CHL1: variants seen among roughly 807,000 people sequenced by gnomAD.
CHL1 encodes neural cell adhesion molecule L1-like protein.
Under a neutral mutation model 141.9 loss-of-function variants are expected in CHL1, and 96 were observed. That is an observed-to-expected ratio of 0.68 (90% confidence interval 0.57 to 0.80). CHL1 has a LOEUF of 0.80. Among genes scored for constraint, CHL1 ranks in the 30% least tolerant of loss-of-function variants. The probability of loss-of-function intolerance (pLI) is 0.00; values close to 1 mark genes in which losing one functional copy is unlikely to be tolerated. For missense variants in CHL1, 1,820 were observed against 1,457.2 expected (o/e 1.25, Z -4.05); for synonymous variants, 613 against 502.2 (o/e 1.22, Z -2.95).
intron 2 of CHL1, among the ~76,000 whole-genome samples, chr3:295,627 G>T (rs331893): frequency 0.46 from 70,161 of 151,844 alleles, 16,553 homozygotes; most frequent in South Asian, 0.69. Flanking sequence ...GCAAAGGAAA[G>T]TTAGCACCAC....
chr3:248,535 A>T (rs1693391718), intron 2 of CHL1: 1 of 152,070 alleles, frequency 6.6e-6, no homozygotes, highest in South Asian at 2.1e-4. Flanking sequence ...ATGAGTTTGG[A>T]CATATCCGAG....
At position 319,804 on chromosome 3, in the gene CHL1, C is replaced by G. The variant is rs139673243; in HGVS notation, c.28C>G (p.Leu10Val). Residue 10 changes from leucine to valine, a missense_variant, in exon 3 of 28, where the codon CTA (leucine) becomes GTA (valine). Leu to Val is a conservative substitution (Grantham distance 32). Transcript: ENST00000256509. Reference protein sequence around the residue: MEPLLLGRGLIVYLMFLLLK... With the variant: MEPLLLGRGVIVYLMFLLLK... Reference sequence around the variant, plus strand: ...GGAGCCGCTTTTACTTGGAAGAGGACTAATCGTATATCTAATGTTCCTCCT... The same window carrying G: ...GGAGCCGCTTTTACTTGGAAGAGGAGTAATCGTATATCTAATGTTCCTCCT... 398 of 1,608,120 alleles carry G rather than the reference C, an allele frequency of 2.5e-4. 1 individual carries two copies. In the Admixed American group the frequency reaches 6.0e-3, roughly 24 times the overall value.
chr3:242,697 C>G (rs73815955), intron 1 of CHL1, among the ~76,000 whole-genome samples: 71,119 of 148,922 alleles, frequency 0.48, 17,918 homozygotes, highest in Non-Finnish European at 0.55. Flanking sequence ...CACACACACA[C>G]AGAGAGAGAG....
intron 2 of CHL1, among the ~76,000 whole-genome samples, chr3:284,719 A>G (rs1696976650): frequency 6.6e-6 from 1 of 152,150 alleles, no homozygotes. Context: ...TGTTCAGAGG[A>G]AAATCCTGGC....
At chr3:355,944 G>A (rs998130020) in intron 11 of CHL1, among the ~76,000 whole-genome samples, 2 of 152,084 alleles carry the variant, frequency 1.3e-5, no homozygotes, top group Admixed American at 1.3e-4. Flanking sequence ...TCAGTAAATT[G>A]GGATAAAAAT....
At chr3:404,166 A>G (rs116403365) in intron 27 of CHL1, among the ~76,000 whole-genome samples, 94 of 152,300 alleles carry the variant, frequency 6.2e-4, no homozygotes, top group African/African-American at 2.2e-3. Flanking sequence ...AATGTAATAA[A>G]CTGAGCACTG....
intron 11 of CHL1, among the ~76,000 whole-genome samples, chr3:355,900 A>C (rs1360366412): frequency 6.6e-6 from 1 of 152,130 alleles, no homozygotes; most frequent in Non-Finnish European, 1.5e-5. Flanking sequence ...CGTGACGGGG[A>C]GTATCACTGA....
At chr3:239,986 C>T (rs1692398554) in intron 1 of CHL1, among the ~76,000 whole-genome samples, 1 of 152,150 alleles carries the variant, frequency 6.6e-6, no homozygotes, top group Non-Finnish European at 1.5e-5. Context: ...TCTTTATCCA[C>T]TTGTTGATTG....
At chr3:256,219 T>A (rs896956049) in intron 2 of CHL1, among the ~76,000 whole-genome samples, 1 of 151,282 alleles carries the variant, frequency 6.6e-6, no homozygotes, top group Non-Finnish European at 1.5e-5. Context: ...AATTTAAAAA[T>A]ATAGTATGAC....
At chr3:243,141 A>G (rs150626543) in intron 1 of CHL1, among the ~76,000 whole-genome samples, 66 of 152,326 alleles carry the variant, frequency 4.3e-4, no homozygotes, top group African/African-American at 1.3e-3. Context: ...AAGTCATGTA[A>G]CATTCACCTC....
At chr3:339,748 T>G (rs1411303325) in intron 5 of CHL1, among the ~76,000 whole-genome samples, 1 of 152,146 alleles carries the variant, frequency 6.6e-6, no homozygotes, top group Non-Finnish European at 1.5e-5. Flanking sequence ...GACAAATATA[T>G]AGGAAGTGCA....
At chr3:383,113 T>C (rs1223926996) in intron 18 of CHL1, among the ~76,000 whole-genome samples, 1 of 152,224 alleles carries the variant, frequency 6.6e-6, no homozygotes, top group East Asian at 1.9e-4. Flanking sequence ...ACTGAATTGT[T>C]ATTGATCATC....
chr3:288,799 T>C (rs1240988125), intron 2 of CHL1, among the ~76,000 whole-genome samples: 1 of 152,218 alleles, frequency 6.6e-6, no homozygotes, highest in Non-Finnish European at 1.5e-5. Flanking sequence ...CATCTTTATA[T>C]AGTGAAGACA....
intron 2 of CHL1, among the ~76,000 whole-genome samples, chr3:281,401 T>C (rs566370025): frequency 6.6e-6 from 1 of 152,280 alleles, no homozygotes; most frequent in African/African-American, 2.4e-5. Context: ...CCTTCACCAC[T>C]ATGATTTACT....
intron 13 of CHL1, 135 bp downstream of exon 13, chr3:361,945 C>G (rs554864396): frequency 1.6e-6 from 1 of 606,814 alleles, no homozygotes; most frequent in East Asian, 2.7e-5. Flanking sequence ...CATAAGGTAA[C>G]AAACTTACCG....
intron 2 of CHL1, among the ~76,000 whole-genome samples, chr3:257,183 C>T (rs552894908): frequency 2.0e-4 from 31 of 152,070 alleles, no homozygotes; most frequent in African/African-American, 4.6e-4. Flanking sequence ...AATGATCATA[C>T]GTAATCTAAG....
intron 16 of CHL1, among the ~76,000 whole-genome samples, chr3:380,252 T>C (rs1430787549): frequency 3.3e-5 from 5 of 152,196 alleles, no homozygotes; most frequent in Non-Finnish European, 7.3e-5. Context: ...ATGAACCACA[T>C]TTTTTAAAAA....
intron 5 of CHL1, among the ~76,000 whole-genome samples, chr3:334,424 C>T (rs1701700561): frequency 6.6e-6 from 1 of 152,058 alleles, no homozygotes; most frequent in Admixed American, 6.6e-5. Flanking sequence ...TTTCTTGTGC[C>T]CATTTGCAGT....
chr3:346,854 G>A (rs910334919), intron 9 of CHL1, among the ~76,000 whole-genome samples: 2 of 152,052 alleles, frequency 1.3e-5, no homozygotes, highest in African/African-American at 4.8e-5. Flanking sequence ...TATAATTAAA[G>A]TATTGTACTA....
Sources: gnomAD v4.1 joint callset for allele counts (sites outside exome capture counted in the v4.1 genomes callset) on GRCh38, gnomAD v4.1.1 for gene constraint, MANE v1.5 for transcripts, NCBI Gene and HGNC (gene_info 2026-07-23, HGNC 2026-07-21) for gene names.